Variants in ZRANB1 observed in about 807,000 individuals in gnomAD.
ZRANB1 encodes zinc finger RANBP2-type containing 1.
In ZRANB1, 16 loss-of-function variants were observed where a neutral mutation model predicts 80.5. The observed-to-expected ratio is 0.20, with a 90% CI of 0.13 to 0.30. The LOEUF (loss-of-function observed/expected upper bound fraction) is 0.30, where lower values mean the gene tolerates loss of function less well. Among genes scored for constraint, ZRANB1 ranks in the 10% least tolerant of loss-of-function variants. The pLI, the probability that ZRANB1 is intolerant of heterozygous loss-of-function variation, is 1.00. For missense variants in ZRANB1, 576 were observed against 862.6 expected, an observed-to-expected ratio of 0.67 and a Z score of 4.16; for synonymous variants, 291 against 293.1, an observed-to-expected ratio of 0.99 and a Z score of 0.07.
Position 124,985,115 on chromosome 10 carries a change from A to G in ZRANB1, c.*123A>G, listed in dbSNP as rs1310587176. On this transcript the variant is annotated 3_prime_UTR_variant, in exon 9 of 9. Transcript: ENST00000359653. The stretch of plus-strand genomic sequence containing the variant: ...CAAATCTGGCAGGATCTGCTCGGGG[A>G]AGTGTTTTCCTGGACCACACACACC... 5 of 755,632 alleles carry G rather than the reference A, an allele frequency of 6.6e-6. No homozygotes were observed. The African/African-American group carries it at 8.8e-5, about 13-fold the overall frequency. 46.8% of individuals were successfully genotyped at this position (755,632 alleles called of 1,614,324 possible). A position where few individuals can be genotyped will look rare whatever the true frequency, so the allele number is the denominator to read the frequency against.
At chr10:124,929,109 T>G in the ZRANB1 span, among the ~76,000 whole-genome samples, 11 of 152,286 alleles carry the variant, frequency 7.2e-5, no homozygotes, top group Non-Finnish European at 1.5e-4. Context: ...TGGCTTGGAA[T>G]AGGGGTATAG....
intron 1 of ZRANB1, among the ~76,000 whole-genome samples, chr10:124,952,787 T>A (rs1360111136): frequency 6.6e-6 from 1 of 152,156 alleles, no homozygotes; most frequent in Non-Finnish European, 1.5e-5. Flanking sequence ...ATTTTTGTAT[T>A]TTTAGTAGAG....
chr10:124,918,494 GA>G, the ZRANB1 span, among the ~76,000 whole-genome samples: 1 of 152,338 alleles, frequency 6.6e-6, no homozygotes, highest in South Asian at 2.1e-4. Flanking sequence ...TGGCCTGAGA[GA>G]AATCTTTAAC....
the ZRANB1 span, among the ~76,000 whole-genome samples, chr10:124,931,452 C>G: frequency 1.3e-5 from 2 of 152,022 alleles, no homozygotes; most frequent in South Asian, 4.2e-4. Flanking sequence ...CTCACTGCAG[C>G]CTTTGCCTCC....
the ZRANB1 span, among the ~76,000 whole-genome samples, chr10:124,932,321 A>C: frequency 1.5e-5 from 2 of 131,118 alleles, no homozygotes; most frequent in Admixed American, 1.9e-4. Flanking sequence ...ATGGAGTCTC[A>C]CTCTGTTGCC....
intron 1 of ZRANB1, among the ~76,000 whole-genome samples, chr10:124,961,701 A>G (rs2134273667): frequency 6.6e-6 from 1 of 152,354 alleles, no homozygotes; most frequent in East Asian, 1.9e-4. Context: ...GAAAGCTTTA[A>G]TTAGTGACTA....
At chr10:124,981,936 A>G in intron 6 of ZRANB1, 107 bp downstream of exon 6, 4 of 1,383,964 alleles carry the variant, frequency 2.9e-6, no homozygotes, top group Non-Finnish European at 4.0e-6. Context: ...AAAGAAAAGA[A>G]TGCTTGACGT....
chr10:124,939,147 G>T (rs1462558527), upstream of ZRANB1, among the ~76,000 whole-genome samples: 1 of 151,982 alleles, frequency 6.6e-6, no homozygotes, highest in East Asian at 1.9e-4. Flanking sequence ...CTGCACTCCA[G>T]CTTGGGTGAC....
chr10:124,974,612 T>C (rs1420650529), intron 5 of ZRANB1, among the ~76,000 whole-genome samples: 1 of 152,268 alleles, frequency 6.6e-6, no homozygotes, highest in Non-Finnish European at 1.5e-5. Flanking sequence ...CAATGGTTTT[T>C]ATACATTTTT....
At chr10:124,976,400 A>G (rs1278729339) in intron 5 of ZRANB1, among the ~76,000 whole-genome samples, 1 of 152,156 alleles carries the variant, frequency 6.6e-6, no homozygotes, top group East Asian at 1.9e-4. Flanking sequence ...GGTTCCTAAG[A>G]CAGTGGGTTC....
intron 2 of ZRANB1, 110 bp from the exon 3 acceptor site, chr10:124,971,855 A>G (rs2133984270): frequency 2.8e-6 from 3 of 1,056,696 alleles, no homozygotes; most frequent in Middle Eastern, 2.4e-4. Context: ...TTTAAGATTA[A>G]AGAAAACCTT....
At position 124,974,228 on chromosome 10, in the gene ZRANB1, C is replaced by T. The variant is rs760661510; in HGVS notation, c.1257C>T (p.Asn419=). ...KELEEESPII[N]WSLELATRLD... Reference sequence around the variant, plus strand: ...TAGAAGAAGAATCTCCAATTATTAACTGGTCCTTGGAATTGGCTACACGTT... The same window carrying T: ...TAGAAGAAGAATCTCCAATTATTAATTGGTCCTTGGAATTGGCTACACGTT... Residue 419 remains asparagine (N), a synonymous_variant, in exon 5 of 9, where the codon AAC becomes AAT. Transcript: ENST00000359653. 7 of 1,614,126 alleles carry T rather than the reference C, an allele frequency of 4.3e-6. No homozygotes were observed. Among genetic ancestry groups the T allele is most frequent in the African/African-American group, 2.7e-5 (2 of 74,956 alleles).
intron 1 of ZRANB1, among the ~76,000 whole-genome samples, chr10:124,956,300 T>C (rs1951687279): frequency 1.3e-5 from 2 of 152,266 alleles, no homozygotes; most frequent in South Asian, 4.2e-4. Flanking sequence ...TGTTGGGATC[T>C]AAACTAACTT....
chr10:124,958,222 A>T (rs1385820296), intron 1 of ZRANB1, among the ~76,000 whole-genome samples: 4 of 152,248 alleles, frequency 2.6e-5, no homozygotes, highest in African/African-American at 4.8e-5. Context: ...ACTTGCGACT[A>T]GCATGTGCAA....
intron 1 of ZRANB1, among the ~76,000 whole-genome samples, chr10:124,965,760 T>A (rs528068660): frequency 6.6e-6 from 1 of 152,210 alleles, no homozygotes; most frequent in African/African-American, 2.4e-5. Context: ...GAAGCTAATC[T>A]ACTGTTTCTT....
At chr10:124,968,603 G>T (rs1056521061) in intron 2 of ZRANB1, among the ~76,000 whole-genome samples, 1 of 152,220 alleles carries the variant, frequency 6.6e-6, no homozygotes, top group African/African-American at 2.4e-5. Flanking sequence ...GGCTGCATTT[G>T]TGTTGTGGTG....
Position 124,987,671 on chromosome 10 carries a change from T to C in ZRANB1, c.*2679T>C, listed in dbSNP as rs1004172544. On this transcript the variant is annotated 3_prime_UTR_variant, in exon 9 of 9. Coordinates refer to ENST00000359653, the MANE Select transcript of ZRANB1 (RefSeq NM_017580.3). Reference sequence around the variant, plus strand: ...GAGCTTGTGTTAATAGACACTTTTATGGTAGAGTTGGGATGGGGCCACCAC... The same window carrying C: ...GAGCTTGTGTTAATAGACACTTTTACGGTAGAGTTGGGATGGGGCCACCAC... 9 of 152,164 alleles carry C rather than the reference T, an allele frequency of 5.9e-5. No individual in the cohort carries two copies. The highest frequency in any genetic ancestry group is 1.9e-4 in the African/African-American group (8 of 41,440). The allele number at this position is 152,164 out of a possible 1,614,324, so 9.4% of individuals were successfully genotyped here.
chr10:124,972,227 T>C (rs1441270737), intron 3 of ZRANB1, 109 bp downstream of exon 3: 5 of 1,007,700 alleles, frequency 5.0e-6, no homozygotes, highest in Non-Finnish European at 7.2e-6. Flanking sequence ...AGCTACTGTA[T>C]GTGCATCTTA....
chr10:124,965,262 T>C (rs867105226), intron 1 of ZRANB1, among the ~76,000 whole-genome samples: 3 of 152,184 alleles, frequency 2.0e-5, no homozygotes, highest in Admixed American at 6.5e-5. Context: ...AAATAAGAAT[T>C]CCTGTAAGAA....
Sources: allele counts gnomAD v4.1 joint callset (sites outside exome capture counted in the v4.1 genomes callset), GRCh38; gene constraint gnomAD v4.1.1; transcripts MANE v1.5; gene names NCBI Gene and HGNC (gene_info 2026-07-23, HGNC 2026-07-21).